THSD7B: variants seen among roughly 807,000 people sequenced by gnomAD.
THSD7B encodes thrombospondin type-1 domain-containing protein 7B.
A neutral mutation model predicts 213.6 loss-of-function variants in THSD7B; 138 were observed. The ratio of observed to expected loss-of-function variants is 0.65; its 90% CI spans 0.56 to 0.74. The LOEUF (loss-of-function observed/expected upper bound fraction) is 0.74. THSD7B is among the 30% of genes least tolerant of loss of function. THSD7B has a pLI of 0.00. For synonymous variants in THSD7B, 742 were observed against 687.0 expected, an observed-to-expected ratio of 1.08 and a Z score of -1.25; for missense variants, 1,931 against 1,991.5, an observed-to-expected ratio of 0.97 and a Z score of 0.58.
At chr2:137,101,390 T>C (rs1215390715) in intron 4 of THSD7B, among the ~76,000 whole-genome samples, 3 of 152,220 alleles carry the variant, frequency 2.0e-5, no homozygotes, top group Non-Finnish European at 1.5e-5. Flanking sequence ...ATAGTAGGTA[T>C]TTAATAAATG....
intron 17 of THSD7B, among the ~76,000 whole-genome samples, chr2:137,590,019 A>G (rs1391142146): frequency 8.5e-6 from 1 of 118,308 alleles, no homozygotes; most frequent in Non-Finnish European, 1.7e-5. Context: ...TTGACTTTTA[A>G]GTTCATTTTT....
intron 24 of THSD7B, among the ~76,000 whole-genome samples, chr2:137,658,373 C>G (rs867606510): frequency 2.0e-5 from 3 of 152,292 alleles, no homozygotes; most frequent in East Asian, 1.9e-4. Flanking sequence ...TCCTCAGGCA[C>G]AGTGTATAAC....
chr2:137,631,460 C>T (rs150659078), intron 20 of THSD7B, among the ~76,000 whole-genome samples: 1 of 152,138 alleles, frequency 6.6e-6, no homozygotes, highest in East Asian at 1.9e-4. Flanking sequence ...ATTTTTATAT[C>T]ATATGACCCA....
At chr2:137,100,071 T>C (rs1428275523) in intron 4 of THSD7B, among the ~76,000 whole-genome samples, 2 of 151,058 alleles carry the variant, frequency 1.3e-5, no homozygotes, top group Non-Finnish European at 1.5e-5. Flanking sequence ...TAACATCTTT[T>C]TGAGGCATTG....
intron 9 of THSD7B, among the ~76,000 whole-genome samples, chr2:137,239,591 A>G (rs887206084): frequency 6.6e-6 from 1 of 152,192 alleles, no homozygotes; most frequent in African/African-American, 2.4e-5. Flanking sequence ...AGAGCCATGT[A>G]GCTCTGCATT....
At chr2:137,139,032 A>T (rs1266131827) in intron 5 of THSD7B, among the ~76,000 whole-genome samples, 1 of 151,754 alleles carries the variant, frequency 6.6e-6, no homozygotes. Context: ...CCATTATTGA[A>T]TTTTTTCTGT....
intron 17 of THSD7B, among the ~76,000 whole-genome samples, chr2:137,598,249 T>G (rs1367796573): frequency 6.6e-6 from 1 of 152,200 alleles, no homozygotes; most frequent in Non-Finnish European, 1.5e-5. Flanking sequence ...TTCCAGAAGT[T>G]GCCAATATGC....
At chr2:137,660,893 A>G (rs1683331461) in intron 25 of THSD7B, among the ~76,000 whole-genome samples, 1 of 152,234 alleles carries the variant, frequency 6.6e-6, no homozygotes, top group Non-Finnish European at 1.5e-5. Context: ...TGTTAACTAT[A>G]ACATGTGCTC....
In THSD7B at chr2:137,487,293, G is replaced by A. The variant is rs1409996666; in HGVS notation, c.3138+36270G>A. ...TGAGGCAGGAGAATGGCGTGAACCC[G>A]GGAAGCGGAGCTTGCAGTGAGCCGA... On this transcript the variant is annotated intron_variant, in intron 15 of 27. Coordinates refer to ENST00000409968, the MANE Select transcript of THSD7B (RefSeq NM_001316349.2). Among the ~76,000 whole-genome samples the A allele has an allele frequency of 5.6e-4, 80 of 143,852 alleles. 1 individual carries two copies. The highest frequency in any genetic ancestry group is 1.9e-3 in the African/African-American group (72 of 36,960). The allele number at this position is 143,852 out of a possible 152,430, so 94.4% of individuals were successfully genotyped here.
chr2:137,344,380 C>T (rs1427175874), intron 12 of THSD7B, among the ~76,000 whole-genome samples: 2 of 151,668 alleles, frequency 1.3e-5, no homozygotes, highest in African/African-American at 2.4e-5. Context: ...ACTTACCACC[C>T]AATCATGGAA....
chr2:136,816,457 T>C (rs1048839169), intron 1 of THSD7B, among the ~76,000 whole-genome samples: 1 of 152,218 alleles, frequency 6.6e-6, no homozygotes, highest in Non-Finnish European at 1.5e-5. Context: ...TTGAAAACTA[T>C]GATTTTAATA....
At chr2:137,472,313 A>G (rs1351467773) in intron 15 of THSD7B, among the ~76,000 whole-genome samples, 1 of 152,206 alleles carries the variant, frequency 6.6e-6, no homozygotes, top group African/African-American at 2.4e-5. Flanking sequence ...TCAGGATCCT[A>G]TACACTCTTA....
Position 137,419,450 on chromosome 2 carries a change from G to T in THSD7B, c.2959+7578G>T, listed in dbSNP as rs1251442807. The stretch of plus-strand genomic sequence containing the variant: ...AAAGGACAGAGAATAATGTTACTGA[G>T]TGATGAAATAGCTCTCTGCAGAGAT... On this transcript the variant is annotated intron_variant, in intron 14 of 27. Transcript: ENST00000409968. Among the ~76,000 whole-genome samples the T allele has an allele frequency of 2.7e-5, 4 of 145,938 alleles. 1 individual carries two copies. Among genetic ancestry groups the T allele is most frequent in the African/African-American group, 9.8e-5 (4 of 40,710 alleles).
intron 10 of THSD7B, among the ~76,000 whole-genome samples, chr2:137,265,322 T>C (rs1254459182): frequency 6.6e-6 from 1 of 152,166 alleles, no homozygotes; most frequent in East Asian, 1.9e-4. Flanking sequence ...CAACAGGTGC[T>C]GGAGAGGATG....
intron 7 of THSD7B, among the ~76,000 whole-genome samples, chr2:137,217,447 A>G (rs1681274314): frequency 6.6e-6 from 1 of 152,272 alleles, no homozygotes; most frequent in Non-Finnish European, 1.5e-5. Flanking sequence ...CCTGTGATGT[A>G]TTGACAGGAA....
chr2:137,333,774 T>C (rs1288221453), intron 12 of THSD7B, among the ~76,000 whole-genome samples: 1 of 152,214 alleles, frequency 6.6e-6, no homozygotes, highest in African/African-American at 2.4e-5. Flanking sequence ...AACCTTCTGT[T>C]ATTTTTAGTC....
intron 25 of THSD7B, among the ~76,000 whole-genome samples, chr2:137,660,546 G>A (rs1378893003): frequency 6.6e-6 from 1 of 152,114 alleles, no homozygotes; most frequent in Non-Finnish European, 1.5e-5. Flanking sequence ...GGAAAAGAGG[G>A]GAAGTTCAGG....
intron 2 of THSD7B, among the ~76,000 whole-genome samples, chr2:136,896,847 A>C (rs1443539029): frequency 2.0e-5 from 3 of 152,072 alleles, no homozygotes; most frequent in Admixed American, 2.0e-4. Flanking sequence ...AAATCAATTA[A>C]ATGTAAATAT....
At chr2:137,195,813 C>G (rs942945056) in intron 7 of THSD7B, among the ~76,000 whole-genome samples, 1 of 152,098 alleles carries the variant, frequency 6.6e-6, no homozygotes, top group South Asian at 2.1e-4. Flanking sequence ...AATGTTGACA[C>G]TAGTGGATGA....
Sources: gnomAD v4.1 joint callset for allele counts (sites outside exome capture counted in the v4.1 genomes callset) on GRCh38, gnomAD v4.1.1 for gene constraint, MANE v1.5 for transcripts, NCBI Gene and HGNC (gene_info 2026-07-23, HGNC 2026-07-21) for gene names.